Variants in LRRC1 observed in about 807,000 individuals in gnomAD.
The protein encoded by LRRC1 is leucine rich repeat containing 1, also known as leucine-rich repeat-containing protein 1.
LRRC1 carries 28 observed loss-of-function variants against 69.9 expected under a neutral mutation model. The ratio of observed to expected loss-of-function variants is 0.40; its 90% confidence interval spans 0.30 to 0.55. The LOEUF (loss-of-function observed/expected upper bound fraction) is 0.55, where lower values mean the gene tolerates loss of function less well. LRRC1 is among the 20% of genes least tolerant of loss of function. The pLI, the probability that LRRC1 is intolerant of heterozygous loss-of-function variation, is 0.47. For missense variants in LRRC1, 498 were observed against 609.0 expected (o/e 0.82, Z 1.92); for synonymous variants, 236 against 240.2 (o/e 0.98, Z 0.16).
intron 4 of LRRC1, among the ~76,000 whole-genome samples, chr6:53,886,095 G>C (rs762963333): frequency 1.3e-4 from 20 of 152,226 alleles, no homozygotes; most frequent in Non-Finnish European, 2.9e-4. Context: ...ATACATATAA[G>C]TGGAAAGAAT....
chr6:53,855,606 T>C (rs1321455170), intron 2 of LRRC1, among the ~76,000 whole-genome samples: 1 of 152,200 alleles, frequency 6.6e-6, no homozygotes, highest in Non-Finnish European at 1.5e-5. Context: ...ATGTGCTGCC[T>C]GTATTGTGGT....
intron 1 of LRRC1, among the ~76,000 whole-genome samples, chr6:53,840,105 C>G (rs1460310537): frequency 6.6e-6 from 1 of 152,078 alleles, no homozygotes; most frequent in African/African-American, 2.4e-5. Flanking sequence ...TTCTCTGTTT[C>G]CTGGATCTCA....
At chr6:53,867,993 A>C (rs902390656) in intron 2 of LRRC1, among the ~76,000 whole-genome samples, 4 of 151,972 alleles carry the variant, frequency 2.6e-5, no homozygotes, top group African/African-American at 9.7e-5. Context: ...CACCTTATGT[A>C]AAAGCTTGAA....
chr6:53,900,020 GTTTTTTTTTTT>G (rs869246243), intron 8 of LRRC1, 129 bp downstream of exon 8: 6,918 of 189,896 alleles, frequency 0.036, 50 homozygotes, highest in East Asian at 0.092. Flanking sequence ...TCTCCTTACT[GTTTTTTTTTTT>G]TTTTTTTTTT....
At position 53,800,646 on chromosome 6, in the gene LRRC1, C is replaced by CT. The variant is rs879427470; in HGVS notation, c.159+5243dup. Among the ~76,000 whole-genome samples, 753 of 145,106 alleles carry CT rather than the reference C, an allele frequency of 5.2e-3. 4 individuals are homozygous for CT. Among genetic ancestry groups the CT allele is most frequent in the Admixed American group, 0.01 (149 of 14,510 alleles). On this transcript the variant is annotated intron_variant, in intron 1 of 13. Coordinates refer to ENST00000370888, the MANE Select transcript of LRRC1 (RefSeq NM_018214.5). ...ATTTTTAATATTCTTTTCAATAATA[C>CT]TTTTTTTTTTTTAGACGGAATCTCA...
intron 2 of LRRC1, 28 bp from the exon 3 acceptor site, chr6:53,878,965 A>G (rs756649249): frequency 2.7e-6 from 4 of 1,467,510 alleles, no homozygotes; most frequent in Non-Finnish European, 3.8e-6. Context: ...ATGGTGGCAA[A>G]TTATAGACAT....
chr6:53,912,652 A>T lies in LRRC1; in HGVS notation c.991-1202A>T, dbSNP rs191736997. On this transcript the variant is annotated intron_variant, in intron 10 of 13. Transcript: ENST00000370888. ...TATTTTTAAGGGAGGAAATAAAAAG[A>T]TTATGTATGAAAGTAATTATGTAGC... Among the ~76,000 whole-genome samples the T allele has an allele frequency of 2.2e-4, 33 of 152,354 alleles. No individual in the cohort carries two copies. The East Asian group carries it at 5.4e-3, about 25-fold the overall frequency.
intron 10 of LRRC1, among the ~76,000 whole-genome samples, chr6:53,910,758 T>A (rs1768382200): frequency 6.6e-6 from 1 of 152,248 alleles, no homozygotes; most frequent in Non-Finnish European, 1.5e-5. Context: ...ACAAAACATA[T>A]GACTGAGCCT....
chr6:53,829,144 G>A (rs1344999195), intron 1 of LRRC1, among the ~76,000 whole-genome samples: 2 of 152,198 alleles, frequency 1.3e-5, no homozygotes, highest in African/African-American at 4.8e-5. Context: ...TCTTTGCCTT[G>A]CTCTTTATAG....
At chr6:53,890,603 C>A (rs900972826) in intron 4 of LRRC1, among the ~76,000 whole-genome samples, 2 of 152,050 alleles carry the variant, frequency 1.3e-5, no homozygotes, top group Non-Finnish European at 2.9e-5. Flanking sequence ...ATTTAATGTT[C>A]TTTTTTGAGT....
chr6:53,852,353 A>G (rs747021628), intron 2 of LRRC1, among the ~76,000 whole-genome samples: 1 of 152,220 alleles, frequency 6.6e-6, no homozygotes, highest in Non-Finnish European at 1.5e-5. Context: ...GGACTGTCCA[A>G]GTAAGAATAC....
chr6:53,842,812 G>T (rs1203425111), intron 2 of LRRC1, among the ~76,000 whole-genome samples: 1 of 152,176 alleles, frequency 6.6e-6, no homozygotes, highest in East Asian at 1.9e-4. Flanking sequence ...TAATTAGGCT[G>T]CTGGTGGCTT....
At chr6:53,914,573 G>C (rs1490281132) in intron 11 of LRRC1, among the ~76,000 whole-genome samples, 2 of 152,190 alleles carry the variant, frequency 1.3e-5, no homozygotes, top group East Asian at 3.9e-4. Context: ...CGGAGCAGAG[G>C]TCATGTTGGA....
chr6:53,917,839 A>G (rs1768616179), intron 11 of LRRC1, among the ~76,000 whole-genome samples: 1 of 152,282 alleles, frequency 6.6e-6, no homozygotes, highest in Non-Finnish European at 1.5e-5. Context: ...AAGCTTTAAC[A>G]GTGTATAATG....
At chr6:53,870,496 T>C (rs571858124) in intron 2 of LRRC1, among the ~76,000 whole-genome samples, 1 of 152,326 alleles carries the variant, frequency 6.6e-6, no homozygotes, top group East Asian at 1.9e-4. Context: ...AGGAGGTATC[T>C]TTTTTAGTTT....
chr6:53,809,180 T>G (rs1314848857), intron 1 of LRRC1, among the ~76,000 whole-genome samples: 1 of 152,242 alleles, frequency 6.6e-6, no homozygotes, highest in Non-Finnish European at 1.5e-5. Flanking sequence ...TCTCAAAGCA[T>G]ATCAAGTGAT....
chr6:53,838,565 C>T (rs1348339453), intron 1 of LRRC1, among the ~76,000 whole-genome samples: 1 of 152,168 alleles, frequency 6.6e-6, no homozygotes, highest in East Asian at 1.9e-4. Context: ...TCCTAGAAAA[C>T]AAAGTGAGCT....
chr6:53,806,333 G>C (rs768733942), intron 1 of LRRC1, among the ~76,000 whole-genome samples: 1 of 152,134 alleles, frequency 6.6e-6, no homozygotes, highest in Non-Finnish European at 1.5e-5. Flanking sequence ...CAGCCCTTTT[G>C]GGGAGTGGAT....
intron 4 of LRRC1, among the ~76,000 whole-genome samples, chr6:53,887,281 G>T (rs1767518297): frequency 6.6e-6 from 1 of 152,048 alleles, no homozygotes; most frequent in African/African-American, 2.4e-5. Context: ...GTAATATTAG[G>T]GAGACAATAA....
Sources: allele counts gnomAD v4.1 joint callset (sites outside exome capture counted in the v4.1 genomes callset), GRCh38; gene constraint gnomAD v4.1.1; transcripts MANE v1.5; gene names NCBI Gene and HGNC (gene_info 2026-07-23, HGNC 2026-07-21).